The following RGS3 variants were observed in gnomAD, a reference collection of about 807,000 sequenced individuals.
RGS3 encodes regulator of G protein signaling 3, also known as regulator of G-protein signalling 3.
Under a neutral mutation model 132.6 loss-of-function variants are expected in RGS3, and 80 were observed. The observed-to-expected ratio is 0.60, with a 90% CI of 0.50 to 0.73. RGS3 has a LOEUF of 0.73. Among genes scored for constraint, RGS3 ranks in the 30% least tolerant of loss-of-function variants. RGS3 has a pLI of 0.00. For missense variants in RGS3, 1,382 were observed against 1,530.8 expected (o/e 0.90, Z 1.62); for synonymous variants, 598 against 620.6 (o/e 0.96, Z 0.54).
intron 19 of RGS3, among the ~76,000 whole-genome samples, chr9:113,547,936 A>G (rs2118721492): frequency 6.6e-6 from 1 of 152,358 alleles, no homozygotes; most frequent in South Asian, 2.1e-4. Context: ...ATGGAAGACT[A>G]TTAAGGGTTA....
chr9:113,522,849 C>T lies in RGS3; in HGVS notation c.1759-81C>T, dbSNP rs547529384. 342 of 896,062 alleles carry T rather than the reference C, an allele frequency of 3.8e-4. 7 individuals carry two copies. Among genetic ancestry groups the T allele is most frequent in the South Asian group, 3.3e-3 (253 of 76,192 alleles). 55.5% of individuals were successfully genotyped at this position (896,062 alleles called of 1,614,324 possible). ...CATTATCTGGGGAGGCTGTGGCTCC[C>T]CACCTTCTCGGGGAGGTTGTGGCTC... On this transcript the variant is annotated intron_variant, in intron 16 of 24. Coordinates refer to ENST00000350696, the Ensembl canonical transcript of RGS3.
At chr9:113,481,313 C>T (rs1830151791) in intron 4 of RGS3, among the ~76,000 whole-genome samples, 1 of 152,204 alleles carries the variant, frequency 6.6e-6, no homozygotes, top group Non-Finnish European at 1.5e-5. Context: ...GCAATGAGGA[C>T]AGGGACTGGG....
intron 1 of RGS3, among the ~76,000 whole-genome samples, chr9:113,455,214 A>G (rs1829340090): frequency 6.6e-6 from 1 of 152,048 alleles, no homozygotes; most frequent in African/African-American, 2.4e-5. Context: ...TATCTTAAAA[A>G]CCATTGTTTC....
chr9:113,584,801 C>T (rs1163600426), intron 20 of RGS3, among the ~76,000 whole-genome samples: 1 of 152,240 alleles, frequency 6.6e-6, no homozygotes, highest in African/African-American at 2.4e-5. Flanking sequence ...GTCACAATGA[C>T]AACACACATT....
At chr9:113,524,090 G>A (rs1376331731) in intron 17 of RGS3, among the ~76,000 whole-genome samples, 2 of 152,186 alleles carry the variant, frequency 1.3e-5, no homozygotes, top group Non-Finnish European at 1.5e-5. Flanking sequence ...GGAAGAAGCC[G>A]CCTGAGCAAC....
intron 10 of RGS3, chr9:113,503,555 T>C (rs1050243973): frequency 1.3e-5 from 2 of 152,202 alleles, no homozygotes; most frequent in African/African-American, 4.8e-5. Context: ...GGATGTGGGG[T>C]CTGGGTGTGG....
At chr9:113,546,238 C>G (rs1293063648) in intron 19 of RGS3, among the ~76,000 whole-genome samples, 1 of 152,154 alleles carries the variant, frequency 6.6e-6, no homozygotes, top group South Asian at 2.1e-4. Context: ...CTTGGCTGTC[C>G]CTGCTGGATG....
At position 113,506,880 on chromosome 9, in the gene RGS3, C is replaced by T. The variant is rs1831154689; in HGVS notation, c.1085+387C>T. On this transcript the variant is annotated intron_variant, in intron 12 of 24. Coordinates refer to ENST00000350696, the Ensembl canonical transcript of RGS3. This position sits in a 1 kb window ranked among gnomAD's most constrained non-coding sequence, Gnocchi z 4.7. The stretch of plus-strand genomic sequence containing the variant: ...AATATTCTTGAAAACATTGGAGTCT[C>T]CCAAATTTTGATCCTCTAGGGTAAA... Among the ~76,000 whole-genome samples, 1 of 152,196 alleles carries T rather than the reference C, an allele frequency of 6.6e-6. No homozygotes were observed. Among genetic ancestry groups the T allele is most frequent in the Admixed American group, 6.5e-5 (1 of 15,282 alleles).
Position 113,498,150 on chromosome 9 carries a change from A to T in RGS3, c.897+70A>T, listed in dbSNP as rs921415170. ...CTCCTTGACAGCCCCTGGGCCCGGG[A>T]AACCCCTAAAGGGGCAGCATTTGGT... is the stretch of plus-strand genomic sequence containing the variant. On this transcript the variant is annotated intron_variant, in intron 10 of 24. Transcript: ENST00000350696. 5.6e-6 allele frequency: 8 copies of T among 1,433,074 alleles called. No homozygotes were observed. In the African/African-American group the frequency reaches 8.4e-5, roughly 15 times the overall value. The allele number at this position is 1,433,074 out of a possible 1,614,324, so 88.8% of individuals were successfully genotyped here.
At chr9:113,559,540 G>A (rs1031452716) in intron 19 of RGS3, among the ~76,000 whole-genome samples, 5 of 152,198 alleles carry the variant, frequency 3.3e-5, no homozygotes, top group Admixed American at 6.5e-5. Flanking sequence ...GGGAGCCACC[G>A]TTTCCATTAG....
intron 14 of RGS3, among the ~76,000 whole-genome samples, chr9:113,512,562 G>A (rs1309141633): frequency 1.3e-5 from 2 of 152,190 alleles, no homozygotes; most frequent in African/African-American, 2.4e-5. Flanking sequence ...GAGGAAGCAA[G>A]TGTGAAACCT....
chr9:113,572,851 T>G (rs1210560700), intron 19 of RGS3, among the ~76,000 whole-genome samples: 1 of 152,236 alleles, frequency 6.6e-6, no homozygotes, highest in East Asian at 1.9e-4. Context: ...CTCATCTGCC[T>G]TCTCAGCTTC....
chr9:113,595,928 A>C (rs1835752356), intron 24 of RGS3, among the ~76,000 whole-genome samples, 163 bp downstream of exon 22: 1 of 152,234 alleles, frequency 6.6e-6, no homozygotes, highest in Non-Finnish European at 1.5e-5. Flanking sequence ...GGGGAAGAAC[A>C]GAATCCCAGT....
chr9:113,555,214 C>A (rs1234017638), intron 19 of RGS3, among the ~76,000 whole-genome samples: 1 of 152,166 alleles, frequency 6.6e-6, no homozygotes, highest in East Asian at 1.9e-4. Context: ...TAGTAGTAAA[C>A]ATCCCAAGGC....
intron 18 of RGS3, 170 bp from the exon 17 acceptor site, chr9:113,536,626 T>C: frequency 6.9e-7 from 1 of 1,458,586 alleles, no homozygotes; most frequent in Non-Finnish European, 9.1e-7. Context: ...CCTGCGCCTC[T>C]GGCTGCCTCA....
chr9:113,452,894 T>TATATATAAATATATTATATTTATATATA (rs1829275683), intron 1 of RGS3, among the ~76,000 whole-genome samples: 1 of 126,822 alleles, frequency 7.9e-6, no homozygotes, highest in Non-Finnish European at 1.7e-5. Context: ...GGTCTTTTTA[T>TATATATAAATATATTATATTTATATATA]ATATATAAAT....
In RGS3 at chr9:113,506,239, C is replaced by T; in HGVS notation, c.980-149C>T. 2 of 600,906 alleles carry T rather than the reference C, an allele frequency of 3.3e-6. No individual in the cohort carries two copies. The highest frequency in any genetic ancestry group is 2.1e-5 in the South Asian group (1 of 47,512). The allele number at this position is 600,906 out of a possible 1,614,324, so 37.2% of individuals were successfully genotyped here. A position where few individuals can be genotyped will look rare whatever the true frequency, so the allele number is the denominator to read the frequency against. ...TTCTTTCAAGGCTCTTGAGAGGCAC[C>T]AAGTTCAGTCCCTCATTTCACGGAT... On this transcript the variant is annotated intron_variant, in intron 11 of 24. Coordinates refer to ENST00000350696, the Ensembl canonical transcript of RGS3. This position sits in a 1 kb window ranked among gnomAD's most constrained non-coding sequence, Gnocchi z 4.7.
In RGS3 at chr9:113,506,472, T is replaced by C; in HGVS notation, c.1064T>C (p.Val355Ala). The C allele has an allele frequency of 6.3e-7, 1 of 1,594,576 alleles. No homozygotes were observed. The highest frequency in any genetic ancestry group is 8.5e-7 in the Non-Finnish European group (1 of 1,171,784). ...AGGCCTGTGGAGCACTGGAAATGTGTGGAGCTGGCCCACGAGATCCGGTGA... is the reference window on the plus strand; with the variant it reads ...AGGCCTGTGGAGCACTGGAAATGTGCGGAGCTGGCCCACGAGATCCGGTGA... The change falls in exon 12 of 25, where the codon GTG becomes GCG. Residue 355 changes from valine (V) to alanine (A), a missense_variant. By Grantham distance (64) the Val-to-Ala change is moderately conservative. Coordinates refer to ENST00000350696, the Ensembl canonical transcript of RGS3. This position sits in a 1 kb window ranked among gnomAD's most constrained non-coding sequence, Gnocchi z 4.7.
chr9:113,517,410 G>A (rs1190781885), intron 15 of RGS3, 131 bp from the exon 14 acceptor site: 14 of 742,732 alleles, frequency 1.9e-5, no homozygotes, highest in African/African-American at 6.9e-5. Context: ...TTCTCGGGTC[G>A]GTGGCGGGCT....
Sources: allele counts gnomAD v4.1 joint callset (sites outside exome capture counted in the v4.1 genomes callset), GRCh38; gene constraint gnomAD v4.1.1; non-coding constraint Gnocchi (gnomAD v3.1); transcripts MANE v1.5; gene names NCBI Gene and HGNC (gene_info 2026-07-23, HGNC 2026-07-21).